Variants in ZMAT4 observed in about 807,000 individuals in gnomAD.
ZMAT4 encodes zinc finger matrin-type 4.
A neutral mutation model predicts 28.7 loss-of-function variants in ZMAT4; 17 were observed. That is an observed-to-expected ratio of 0.59 (90% confidence interval 0.41 to 0.89). The LOEUF (loss-of-function observed/expected upper bound fraction) is 0.89, where lower values mean the gene tolerates loss of function less well. Ranked by LOEUF, ZMAT4 falls within the 40% of genes least tolerant of loss-of-function variation. The probability of loss-of-function intolerance (pLI) is 0.00; values close to 1 mark genes in which losing one functional copy is unlikely to be tolerated. For missense variants in ZMAT4, 240 were observed against 283.8 expected (o/e 0.85, Z 1.11); for synonymous variants, 117 against 109.2 (o/e 1.07, Z -0.44).
chr8:40,704,686 A>T (rs1810279989), intron 3 of ZMAT4, among the ~76,000 whole-genome samples: 1 of 152,244 alleles, frequency 6.6e-6, no homozygotes, highest in South Asian at 2.1e-4. Flanking sequence ...CTTGATAAAC[A>T]TGAACTAAAT....
Position 40,868,980 on chromosome 8 carries a change from T to C in ZMAT4, c.-5+28703A>G, listed in dbSNP as rs140899751. On this transcript the variant is annotated intron_variant, in intron 1 of 6. Transcript: ENST00000297737. ...GCAGTGCCCCTTCCTGATCTCACAG[T>C]CCTGCAGGGATGGGCTGCATTTTCT... Among the ~76,000 whole-genome samples the C allele has an allele frequency of 3.8e-3, 572 of 152,332 alleles. 2 individuals carry two copies. The highest frequency in any genetic ancestry group is 0.013 in the African/African-American group (544 of 41,578).
chr8:40,678,411 T>G (rs1423662150), intron 4 of ZMAT4, among the ~76,000 whole-genome samples: 3 of 152,198 alleles, frequency 2.0e-5, no homozygotes, highest in Non-Finnish European at 4.4e-5. Context: ...AAGAGAACAT[T>G]AAGCTATTAT....
chr8:40,707,857 C>T (rs2150504720), intron 3 of ZMAT4, among the ~76,000 whole-genome samples: 1 of 152,164 alleles, frequency 6.6e-6, no homozygotes, highest in East Asian at 1.9e-4. Context: ...TAGCTATATC[C>T]TTGGTGTCTA....
At chr8:40,670,296 A>G (rs1459245307) in intron 5 of ZMAT4, among the ~76,000 whole-genome samples, 4 of 152,218 alleles carry the variant, frequency 2.6e-5, no homozygotes, top group Non-Finnish European at 5.9e-5. Flanking sequence ...GGAAAAGTAA[A>G]TATTTTCTGC....
intron 1 of ZMAT4, among the ~76,000 whole-genome samples, chr8:40,878,956 C>T (rs1023871805): frequency 5.9e-5 from 9 of 152,218 alleles, no homozygotes; most frequent in African/African-American, 2.2e-4. Flanking sequence ...GAGAGGGCAG[C>T]TGATTTCCAT....
chr8:40,549,114 C>T (rs769626844), intron 6 of ZMAT4, among the ~76,000 whole-genome samples: 18 of 152,010 alleles, frequency 1.2e-4, no homozygotes, highest in Non-Finnish European at 2.4e-4. Flanking sequence ...CCCTTTTGCC[C>T]CTTCTGCCAT....
intron 3 of ZMAT4, among the ~76,000 whole-genome samples, chr8:40,708,893 C>T (rs1810482708): frequency 6.6e-6 from 1 of 151,892 alleles, no homozygotes; most frequent in African/African-American, 2.4e-5. Context: ...AGGTAATCCA[C>T]CCACCTCGGC....
intron 1 of ZMAT4, among the ~76,000 whole-genome samples, chr8:40,826,412 T>G (rs911779088): frequency 6.6e-5 from 10 of 152,150 alleles, no homozygotes; most frequent in Non-Finnish European, 1.5e-4. Flanking sequence ...TAACATAATT[T>G]TAATAGCACT....
chr8:40,669,196 A>AG (rs1288076782), intron 5 of ZMAT4, among the ~76,000 whole-genome samples: 7 of 152,166 alleles, frequency 4.6e-5, no homozygotes, highest in African/African-American at 1.4e-4. Context: ...CCAGATGACG[A>AG]GGAAGAAGAC....
intron 3 of ZMAT4, among the ~76,000 whole-genome samples, chr8:40,738,207 G>A (rs780470831): frequency 1.3e-4 from 20 of 152,102 alleles, no homozygotes; most frequent in Non-Finnish European, 2.4e-4. Flanking sequence ...AATAAGAGTC[G>A]AACTGGGGAG....
intron 5 of ZMAT4, among the ~76,000 whole-genome samples, chr8:40,608,632 G>A (rs1413329023): frequency 6.6e-6 from 1 of 152,134 alleles, no homozygotes; most frequent in Non-Finnish European, 1.5e-5. Flanking sequence ...TTGTTACAGA[G>A]TTCGGCTGGA....
chr8:40,607,188 G>A lies in ZMAT4; in HGVS notation c.578-25927C>T, dbSNP rs558688276. ...TGCCCAGGCTGGAGTGCAGTGGCAC[G>A]ATCTCGGCTCACTGCAAGCTCCGCC... On this transcript the variant is annotated intron_variant, in intron 5 of 6. Transcript: ENST00000297737. 1.1e-4 allele frequency among the ~76,000 whole-genome samples: 15 copies of A among 130,592 alleles called. No individual in the cohort carries two copies. In the South Asian group the frequency reaches 2.0e-3, roughly 17 times the overall value. 85.7% of individuals were successfully genotyped at this position (130,592 alleles called of 152,430 possible).
chr8:40,643,795 A>AAC (rs1328744670), intron 5 of ZMAT4, among the ~76,000 whole-genome samples: 1 of 151,712 alleles, frequency 6.6e-6, no homozygotes, highest in African/African-American at 2.4e-5. Context: ...TGTGCAAAAA[A>AAC]AAAAAAAGGA....
At chr8:40,577,842 TC>T (rs1396925084) in intron 6 of ZMAT4, among the ~76,000 whole-genome samples, 3 of 151,872 alleles carry the variant, frequency 2.0e-5, no homozygotes, top group Non-Finnish European at 1.5e-5. Context: ...TCAAATTTAT[TC>T]TAGTATCCCA....
chr8:40,569,417 A>G (rs948789795), intron 6 of ZMAT4, among the ~76,000 whole-genome samples: 1 of 152,242 alleles, frequency 6.6e-6, no homozygotes, highest in Non-Finnish European at 1.5e-5. Context: ...TAGATAGTTT[A>G]CAAATGGACA....
At chr8:40,792,917 G>A (rs191161793) in intron 2 of ZMAT4, among the ~76,000 whole-genome samples, 27 of 151,958 alleles carry the variant, frequency 1.8e-4, no homozygotes, top group African/African-American at 6.0e-4. Flanking sequence ...TATGGACATG[G>A]CAAAAAGATC....
chr8:40,810,049 A>G (rs991018194), intron 2 of ZMAT4, among the ~76,000 whole-genome samples: 11 of 151,194 alleles, frequency 7.3e-5, no homozygotes, highest in Non-Finnish European at 1.3e-4. Context: ...GTCTTAAAAC[A>G]AACAAACAAA....
chr8:40,550,028 T>A (rs1299511007), intron 6 of ZMAT4, among the ~76,000 whole-genome samples: 1 of 152,164 alleles, frequency 6.6e-6, no homozygotes, highest in Non-Finnish European at 1.5e-5. Context: ...CCTCTCAGCC[T>A]GGAGTATCAA....
At chr8:40,566,626 A>C (rs1803934858) in intron 6 of ZMAT4, among the ~76,000 whole-genome samples, 1 of 152,076 alleles carries the variant, frequency 6.6e-6, no homozygotes, top group South Asian at 2.1e-4. Context: ...TGACTTCCAA[A>C]CCTTCTGGTA....
Sources: gnomAD v4.1 joint callset for allele counts (sites outside exome capture counted in the v4.1 genomes callset) on GRCh38, gnomAD v4.1.1 for gene constraint, MANE v1.5 for transcripts, NCBI Gene and HGNC (gene_info 2026-07-23, HGNC 2026-07-21) for gene names.